The following WNT11 variants were observed in gnomAD, a reference collection of about 807,000 sequenced individuals.
The protein encoded by WNT11 is Wnt family member 11.
A neutral mutation model predicts 35.6 loss-of-function variants in WNT11; 20 were observed. The ratio of observed to expected loss-of-function variants is 0.56; its 90% CI spans 0.40 to 0.82. The LOEUF (loss-of-function observed/expected upper bound fraction) is 0.82, where lower values mean the gene tolerates loss of function less well. Among genes scored for constraint, WNT11 ranks in the 40% least tolerant of loss-of-function variants. WNT11 has a pLI of 0.00. For missense variants in WNT11, 459 were observed against 504.4 expected (o/e 0.91, Z 0.86); for synonymous variants, 200 against 211.9 (o/e 0.94, Z 0.49).
intron 3 of WNT11, among the ~76,000 whole-genome samples, chr11:76,192,607 A>G (rs144968903): frequency 6.6e-6 from 1 of 152,378 alleles, no homozygotes; most frequent in Non-Finnish European, 1.5e-5. Flanking sequence ...GTGAACCATA[A>G]AAGTTAAATC....
In WNT11 at chr11:76,194,042, C is replaced by T. The variant is rs977011777; in HGVS notation, c.597+525G>A. Among the ~76,000 whole-genome samples, 8 of 151,906 alleles carry T rather than the reference C, an allele frequency of 5.3e-5. No individual in the cohort carries two copies. In the South Asian group the frequency reaches 1.0e-3, roughly 20 times the overall value. ...ATGAAAACCTGATAATAATGAATGC[C>T]GGAGGAAACTGTTCTAGCAGCTTCG... On this transcript the variant is annotated intron_variant, in intron 3 of 4. Transcript: ENST00000322563. This position sits in a 1 kb window ranked among gnomAD's most constrained non-coding sequence, Gnocchi z 5.4.
rs1416031569 is a variant in WNT11, at chr11:76,191,569, T to C, written c.885A>G (p.Gln295=). ...AAGGTGGCAGCAGGCCTCACCTGTC[T>C]TGTGTCCCGTGGGAGCCCACCTTCT... The part of the protein sequence containing the change: ...KNEKVGSHGT[Q]DRQCNKTSNG... The change falls in exon 4 of 5, where the codon CAA becomes CAG. Residue 295 remains glutamine, a synonymous_variant. Transcript: ENST00000322563. 1 of 1,610,340 alleles carries C rather than the reference T, an allele frequency of 6.2e-7. No homozygotes were observed. Among genetic ancestry groups the C allele is most frequent in the South Asian group, 1.1e-5 (1 of 91,030 alleles).
chr11:76,210,407 C>T (rs923021148), upstream of WNT11: 16 of 984,490 alleles, frequency 1.6e-5, no homozygotes, highest in Admixed American at 7.4e-4. Context: ...CCCTCGGACT[C>T]GGGCGCCCCC....
At chr11:76,187,271 T>A (rs1953112127) in intron 4 of WNT11, 32 bp from the exon 5 acceptor site, 1 of 1,584,250 alleles carries the variant, frequency 6.3e-7, no homozygotes, top group Admixed American at 1.7e-5. Flanking sequence ...GGTCAGTGCA[T>A]GCCTTGGTCA....
intron 2 of WNT11, among the ~76,000 whole-genome samples, chr11:76,195,339 T>G (rs2134581503): frequency 1.3e-5 from 2 of 152,370 alleles, no homozygotes; most frequent in South Asian, 4.1e-4. Context: ...GGGTGGGCCC[T>G]AGGCCAGTGG....
chr11:76,208,605 T>C (rs1288725750), upstream of WNT11, among the ~76,000 whole-genome samples: 2 of 151,848 alleles, frequency 1.3e-5, no homozygotes, highest in African/African-American at 4.8e-5. Context: ...CATTCCTGGG[T>C]GGGGAGGGGG....
upstream of WNT11, chr11:76,210,443 GCTGCCCGCTGCCCGCGACCA>G (rs1450593165): frequency 2.0e-6 from 2 of 985,180 alleles, no homozygotes. Context: ...CCGCTGAGCG[GCTGCCCGCTGCCCGCGACCA>G]CTGCTCACCT....
At position 76,186,707 on chromosome 11, in the gene WNT11, A is replaced by C. The variant is rs542324493; in HGVS notation, c.*358T>G. On this transcript the variant is annotated 3_prime_UTR_variant, in exon 5 of 5. Transcript: ENST00000322563. The stretch of plus-strand genomic sequence containing the variant: ...GGGGTCCCGCAGAACATTCTGAAGA[A>C]GGCGGGCAGACCCCTTCCCGGAGGC... 1.3e-5 allele frequency: 5 copies of C among 383,786 alleles called. No homozygotes were observed. The highest frequency in any genetic ancestry group is 1.0e-4 in the African/African-American group (5 of 48,044). 23.8% of individuals were successfully genotyped at this position (383,786 alleles called of 1,614,324 possible).
At position 76,191,367 on chromosome 11, in the gene WNT11, C is replaced by T. The variant is rs946415144; in HGVS notation, c.890+197G>A. ...CCTGCCAGGTGCAGTGCAGAACAGG[C>T]GCTCCCAGCAGCTCTGCAGGGGACC... On this transcript the variant is annotated intron_variant, in intron 4 of 4. Transcript: ENST00000322563. Among the ~76,000 whole-genome samples, 11 of 152,312 alleles carry T rather than the reference C, an allele frequency of 7.2e-5. No individual in the cohort carries two copies. The East Asian group carries it at 9.6e-4, about 13-fold the overall frequency.
chr11:76,187,080 G>C lies in WNT11; in HGVS notation c.1050C>G (p.Arg350=). 2 of 1,611,034 alleles carry C rather than the reference G, an allele frequency of 1.2e-6. No homozygotes were observed. The highest frequency in any genetic ancestry group is 4.5e-5 in the East Asian group (2 of 44,878). The change falls in exon 5 of 5, where the codon CGC becomes CGG. Residue 350 remains arginine, a synonymous_variant. Transcript: ENST00000322563. ...GGGCAGGGCCTCACTTGCAGACATAGCGCTCCACGGTACGCTCACACCTGC... is the reference window on the plus strand; with the variant it reads ...GGGCAGGGCCTCACTTGCAGACATACCGCTCCACGGTACGCTCACACCTGC... The part of the protein sequence containing the change: ...TCRRCERTVE[R]YVCK
chr11:76,210,671 C>A (rs971626133), upstream of WNT11: 21 of 985,086 alleles, frequency 2.1e-5, no homozygotes, highest in African/African-American at 3.3e-4. Flanking sequence ...CGGAGTCAGG[C>A]GCGGACTCCG....
chr11:76,202,338 T>C (rs1953392622), intron 1 of WNT11, among the ~76,000 whole-genome samples: 1 of 152,158 alleles, frequency 6.6e-6, no homozygotes, highest in Non-Finnish European at 1.5e-5. Flanking sequence ...TGCCCTGGAA[T>C]CCCCATGCTT....
In WNT11 at chr11:76,194,713, CG is replaced by C; in HGVS notation, c.450del (p.Asn152ThrfsTer25). The C allele has an allele frequency of 6.4e-7, 1 of 1,550,542 alleles. No individual in the cohort carries two copies. Among genetic ancestry groups the C allele is most frequent in the South Asian group, 1.2e-5 (1 of 84,020 alleles). ...TCCGCACATCCTCCCCAGCGGTTCC[CG>C]GGCCCGGGTGGCTCACCTGGGACGG... The part of the protein sequence containing the change: ...CGPVPGEPPG[P>X]GNRWGGCADN... On this transcript the variant is annotated frameshift_variant, in exon 3 of 5. Coordinates refer to ENST00000322563, the MANE Select transcript of WNT11 (RefSeq NM_004626.3). LOFTEE classifies it high-confidence loss of function. The surrounding 1 kb of genome is among the most constrained non-coding windows in gnomAD (Gnocchi z 5.4).
intron 3 of WNT11, among the ~76,000 whole-genome samples, chr11:76,192,900 A>ACCTGGGCCCATCC (rs1160050181): frequency 6.6e-6 from 1 of 152,176 alleles, no homozygotes; most frequent in Non-Finnish European, 1.5e-5. Flanking sequence ...AGTCATGGGA[A>ACCTGGGCCCATCC]CCTGGGCCCA....
At chr11:76,187,555 C>T (rs961836457) in intron 4 of WNT11, among the ~76,000 whole-genome samples, 3 of 151,266 alleles carry the variant, frequency 2.0e-5, no homozygotes, top group Non-Finnish European at 4.4e-5. Flanking sequence ...CCTTGACCCC[C>T]GCCTTCCCCA....
chr11:76,193,242 C>T (rs1457816541), intron 3 of WNT11, among the ~76,000 whole-genome samples: 2 of 152,256 alleles, frequency 1.3e-5, no homozygotes, highest in African/African-American at 2.4e-5. Context: ...TTAATCCTCA[C>T]GCAGCCCTGC....
At position 76,198,180 on chromosome 11, in the gene WNT11, G is replaced by A. The variant is rs557104700; in HGVS notation, c.84-1462C>T. ...CTCCAGGCTATATCACTCCCCTTGC[G>A]ACCTTGAGCAAGTCACTTAACCTCT... On this transcript the variant is annotated intron_variant, in intron 1 of 4. Coordinates refer to ENST00000322563, the MANE Select transcript of WNT11 (RefSeq NM_004626.3). Among the ~76,000 whole-genome samples the A allele has an allele frequency of 3.3e-5, 5 of 152,246 alleles. No individual in the cohort carries two copies. The East Asian group carries it at 5.8e-4, about 18-fold the overall frequency.
chr11:76,206,509 G>A, upstream of WNT11: 1 of 1,242,506 alleles, frequency 8.0e-7, no homozygotes, highest in Non-Finnish European at 1.0e-6. Flanking sequence ...CTGCAGCCGG[G>A]GAGAGCGGAG....
chr11:76,196,791 G>A (rs779179702), intron 1 of WNT11, 73 bp from the exon 2 acceptor site: 44 of 1,449,760 alleles, frequency 3.0e-5, no homozygotes, highest in East Asian at 2.8e-4. Context: ...GCCTCCACCC[G>A]CCCTTCTGGC....
Sources: allele counts gnomAD v4.1 joint callset (sites outside exome capture counted in the v4.1 genomes callset), GRCh38; gene constraint gnomAD v4.1.1; non-coding constraint Gnocchi (gnomAD v3.1); transcripts MANE v1.5; gene names NCBI Gene and HGNC (gene_info 2026-07-23, HGNC 2026-07-21).